LAMB4: variants seen among roughly 807,000 people sequenced by gnomAD.
LAMB4 encodes laminin subunit beta 4.
LAMB4 carries 196 observed loss-of-function variants against 199.2 expected under a neutral mutation model. The ratio of observed to expected loss-of-function variants is 0.98; its 90% CI spans 0.88 to 1.11. The LOEUF (loss-of-function observed/expected upper bound fraction) is 1.11. LAMB4 is among the 50% of genes least tolerant of loss of function. LAMB4 has a pLI of 0.00. For synonymous variants in LAMB4, 744 were observed against 770.6 expected (o/e 0.97, Z 0.57); for missense variants, 2,080 against 2,171.2 (o/e 0.96, Z 0.83).
chr7:108,055,732 C>T lies in LAMB4; in HGVS notation c.3655G>A (p.Asp1219Asn). The T allele has an allele frequency of 6.2e-7, 1 of 1,614,184 alleles. No homozygotes were observed. Among genetic ancestry groups the T allele is most frequent in the Non-Finnish European group, 8.5e-7 (1 of 1,180,000 alleles). Residue 1219 changes from aspartate (D) to asparagine (N), a missense_variant, in exon 25 of 34, where the codon GAC (aspartate) becomes AAC (asparagine). Physicochemically the swap from Asp to Asn is conservative, Grantham distance 23 (BLOSUM62 1). Coordinates refer to ENST00000388781, the MANE Select transcript of LAMB4 (RefSeq NM_007356.3). ...ATTTCAGACACGTTCCCTCTGAGGT[C>T]TTTGAAGTCTGCCTCACAGACAGGC... ...TLPVCEADFKDLRGNVSEIER... is the reference protein window; with the variant it reads ...TLPVCEADFKNLRGNVSEIER...
chr7:108,047,752 T>A (rs1197242583), intron 28 of LAMB4, among the ~76,000 whole-genome samples, 156 bp downstream of exon 28: 1 of 152,178 alleles, frequency 6.6e-6, no homozygotes. Flanking sequence ...TACATTCATA[T>A]CATCTGTAAT....
chr7:108,017,638 A>G, the LAMB4 span, among the ~76,000 whole-genome samples: 1 of 152,226 alleles, frequency 6.6e-6, no homozygotes, highest in South Asian at 2.1e-4. Flanking sequence ...GTGACAATAC[A>G]GGAACTCCAG....
chr7:108,052,436 A>T (rs2035855943), intron 25 of LAMB4, among the ~76,000 whole-genome samples, 179 bp from the exon 26 acceptor site: 2 of 152,096 alleles, frequency 1.3e-5, no homozygotes, highest in Non-Finnish European at 1.5e-5. Flanking sequence ...CTTTCATCTT[A>T]ATTCACCTTC....
At chr7:108,029,374 A>G (rs909983873) in intron 32 of LAMB4, among the ~76,000 whole-genome samples, 178 bp from the exon 33 acceptor site, 1 of 152,172 alleles carries the variant, frequency 6.6e-6, no homozygotes, top group Non-Finnish European at 1.5e-5. Flanking sequence ...GTTTTTTCAG[A>G]TTGAAAAAAA....
chr7:108,069,842 C>T lies in LAMB4; in HGVS notation c.2168G>A (p.Ser723Asn). The T allele has an allele frequency of 6.2e-7, 1 of 1,613,652 alleles. No individual in the cohort carries two copies. Among genetic ancestry groups the T allele is most frequent in the East Asian group, 2.2e-5 (1 of 44,874 alleles). Reference sequence around the variant, plus strand: ...CTGATACTCATCTAAGTCCTGCTTGCTGCAGAAATTCTCCAATGAATTGAT... The same window carrying T: ...CTGATACTCATCTAAGTCCTGCTTGTTGCAGAAATTCTCCAATGAATTGAT... ...PQINSLENFC[S>N]KQDLDEYQLH... The change falls in exon 18 of 34, where the codon AGC becomes AAC. Residue 723 changes from serine (S) to asparagine (N), a missense_variant. By Grantham distance (46) the Ser-to-Asn change is conservative. Coordinates refer to ENST00000388781, the MANE Select transcript of LAMB4 (RefSeq NM_007356.3).
intron 14 of LAMB4, among the ~76,000 whole-genome samples, chr7:108,090,071 G>GT (rs1343476217): frequency 6.6e-6 from 1 of 152,074 alleles, no homozygotes; most frequent in Non-Finnish European, 1.5e-5. Context: ...CCTCTCTAAT[G>GT]TTTTTTCCTC....
At chr7:108,128,736 C>T (rs183246278) in intron 1 of LAMB4, among the ~76,000 whole-genome samples, 157 of 152,326 alleles carry the variant, frequency 1.0e-3, no homozygotes, top group Middle Eastern at 3.4e-3. Context: ...TGCCTTCCTT[C>T]GTCAAACTAT....
chr7:108,069,684 A>G (rs371896432), intron 18 of LAMB4, 24 bp downstream of exon 18: 233 of 1,601,740 alleles, frequency 1.5e-4, no homozygotes, highest in Non-Finnish European at 1.9e-4. Flanking sequence ...GTGCCTCAGT[A>G]GAGCCCATTA....
rs372309831 is a variant in LAMB4, at chr7:108,107,687, C to T, written c.535G>A (p.Gly179Arg). 44 of 1,612,746 alleles carry T rather than the reference C, an allele frequency of 2.7e-5. No homozygotes were observed. Among genetic ancestry groups the T allele is most frequent in the Non-Finnish European group, 3.2e-5 (38 of 1,179,766 alleles). ...TATTTGGAGTCACAAACAATGTCTC[C>T]CACTCCCTGGGCCTGGCCAGATGTG... is the stretch of plus-strand genomic sequence containing the variant. ...NITSGQAQGV[G>R]DIVCDSKYSD... Residue 179 changes from glycine to arginine, a missense_variant, in exon 6 of 34, where the codon GGA (glycine) becomes AGA (arginine). Gly to Arg is a moderately radical substitution (Grantham distance 125). Transcript: ENST00000388781.
rs1168459537 is a variant in LAMB4, at chr7:108,078,275, AG to A, written c.1928del (p.Pro643LeufsTer36). The part of the protein sequence containing the change: ...DWTVQIVVNP[P>X]GGSEHCIPKT... ...TGGGTATGCAGTGCTCACTCCCTCC[AG>A]GGGGGTTCACCACAATCTGGACAGT... is the stretch of plus-strand genomic sequence containing the variant. On this transcript the variant is annotated frameshift_variant, in exon 16 of 34. Transcript: ENST00000388781. LOFTEE classifies it high-confidence loss of function. The A allele has an allele frequency of 1.2e-5, 20 of 1,610,600 alleles. No homozygotes were observed. Among genetic ancestry groups the A allele is most frequent in the South Asian group, 2.2e-5 (2 of 89,908 alleles).
At chr7:108,123,298 C>A in intron 1 of LAMB4, 101 bp from the exon 2 acceptor site, 1 of 624,422 alleles carries the variant, frequency 1.6e-6, no homozygotes, top group Non-Finnish European at 2.7e-6. Context: ...GGTTCTTATG[C>A]TTTAGACATA....
chr7:108,038,351 T>C (rs761609554), intron 29 of LAMB4, among the ~76,000 whole-genome samples: 18 of 152,002 alleles, frequency 1.2e-4, no homozygotes, highest in Non-Finnish European at 2.1e-4. Flanking sequence ...TTAGTAGAGA[T>C]GGGGTTTCAC....
At chr7:108,046,888 AC>A (rs1199532748) in intron 28 of LAMB4, among the ~76,000 whole-genome samples, 1 of 151,476 alleles carries the variant, frequency 6.6e-6, no homozygotes, top group Admixed American at 6.6e-5. Flanking sequence ...ATAGTTTTCA[AC>A]CCTTTTAAAA....
chr7:108,076,337 G>A (rs2036702649), intron 17 of LAMB4, among the ~76,000 whole-genome samples: 1 of 152,148 alleles, frequency 6.6e-6, no homozygotes, highest in Admixed American at 6.5e-5. Context: ...CACTCTGTGG[G>A]GGAAAGATGT....
At chr7:108,128,525 T>C (rs776786002) in intron 1 of LAMB4, among the ~76,000 whole-genome samples, 1 of 152,224 alleles carries the variant, frequency 6.6e-6, no homozygotes, top group Non-Finnish European at 1.5e-5. Context: ...TCAGCCCTTA[T>C]TTCCCAAAAT....
chr7:108,107,764 C>T lies in LAMB4; in HGVS notation c.458G>A (p.Trp153Ter), dbSNP rs1254459718. ...TTTTGCAAAATATTTGAACACTTTCCAGTTGTGTCCATAGTCTGTGGAACG... is the reference window on the plus strand; with the variant it reads ...TTTTGCAAAATATTTGAACACTTTCTAGTTGTGTCCATAGTCTGTGGAACG... ...VERSTDYGHN[W>*]KVFKYFAKDC... is the part of the protein sequence containing the mutation. The change falls in exon 6 of 34, where the codon TGG becomes TAG. Residue 153 changes from tryptophan to a stop codon, truncating the protein, a stop_gained. Coordinates refer to ENST00000388781, the MANE Select transcript of LAMB4 (RefSeq NM_007356.3). LOFTEE classifies it high-confidence loss of function. 10 of 1,613,290 alleles carry T rather than the reference C, an allele frequency of 6.2e-6. No individual in the cohort carries two copies. Among genetic ancestry groups the T allele is most frequent in the Non-Finnish European group, 5.9e-6 (7 of 1,179,880 alleles).
At chr7:108,126,931 A>G (rs1200458778) in intron 1 of LAMB4, among the ~76,000 whole-genome samples, 3 of 152,120 alleles carry the variant, frequency 2.0e-5, no homozygotes, top group South Asian at 2.1e-4. Flanking sequence ...TTAAACTACC[A>G]GTGCTCAGGC....
chr7:108,024,206 A>G, intron 33 of LAMB4, 28 bp from the exon 34 acceptor site: 5 of 1,405,796 alleles, frequency 3.6e-6, no homozygotes, highest in Non-Finnish European at 4.9e-6. Flanking sequence ...AAGAAATGAT[A>G]TATTTCCATT....
At chr7:108,033,439 C>G (rs1483262875) in intron 31 of LAMB4, among the ~76,000 whole-genome samples, 1 of 152,180 alleles carries the variant, frequency 6.6e-6, no homozygotes, top group African/African-American at 2.4e-5. Flanking sequence ...TTGAGACAGT[C>G]TCGCTCTGTT....
Sources: gnomAD v4.1 joint callset for allele counts (sites outside exome capture counted in the v4.1 genomes callset) on GRCh38, gnomAD v4.1.1 for gene constraint, MANE v1.5 for transcripts, NCBI Gene and HGNC (gene_info 2026-07-23, HGNC 2026-07-21) for gene names.